Variants in KCNH1 observed in about 807,000 individuals in gnomAD.
KCNH1 encodes potassium voltage-gated channel subfamily H member 1, also known as voltage-gated delayed rectifier potassium channel KCNH1.
In KCNH1, 27 loss-of-function variants were observed where a neutral mutation model predicts 69.2. That is an observed-to-expected ratio of 0.39 (90% CI 0.29 to 0.54). The LOEUF is 0.54. Among genes scored for constraint, KCNH1 ranks in the 20% least tolerant of loss-of-function variants. KCNH1 has a pLI of 0.68. For synonymous variants in KCNH1, 456 were observed against 487.7 expected (o/e 0.93, Z 0.86); for missense variants, 798 against 1,261.6 (o/e 0.63, Z 5.57).
intron 10 of KCNH1, among the ~76,000 whole-genome samples, chr1:210,705,072 C>T (rs1681874516): frequency 6.6e-6 from 1 of 152,146 alleles, no homozygotes; most frequent in Non-Finnish European, 1.5e-5. Flanking sequence ...GGCCCCTGCG[C>T]AGGAGACAAG....
At chr1:210,946,478 A>G (rs1009859103) in intron 6 of KCNH1, among the ~76,000 whole-genome samples, 1 of 152,010 alleles carries the variant, frequency 6.6e-6, no homozygotes, top group Non-Finnish European at 1.5e-5. Flanking sequence ...TCACTGAGAT[A>G]CTCCTCGTTC....
At chr1:210,770,746 A>G (rs1683738161) in intron 10 of KCNH1, among the ~76,000 whole-genome samples, 2 of 152,348 alleles carry the variant, frequency 1.3e-5, no homozygotes, top group African/African-American at 4.8e-5. Flanking sequence ...GCCACTGGAG[A>G]AAGATACTTA....
rs943755612 is a variant in KCNH1 at position 210,680,040 on chromosome 1, G to C, written c.*3241C>G. On this transcript the variant is annotated 3_prime_UTR_variant, in exon 11 of 11. Coordinates refer to ENST00000271751, the MANE Select transcript of KCNH1 (RefSeq NM_172362.3). ...TGGTCGTCTCTGTTTCCGTCCTTTGGCTATCTTGTCATGTCCAGTGGAGGA... is the reference window on the plus strand; with the variant it reads ...TGGTCGTCTCTGTTTCCGTCCTTTGCCTATCTTGTCATGTCCAGTGGAGGA... The C allele has an allele frequency of 1.3e-5, 2 of 151,916 alleles. No homozygotes were observed. The highest frequency in any genetic ancestry group is 2.9e-5 in the Non-Finnish European group (2 of 68,010). The allele number at this position is 151,916 out of a possible 1,614,324, so 9.4% of individuals were successfully genotyped here.
rs1256854502 is a variant in KCNH1 at position 210,680,618 on chromosome 1, G to A, written c.*2663C>T. On this transcript the variant is annotated 3_prime_UTR_variant, in exon 11 of 11. Transcript: ENST00000271751. ...AGGCAGTCAGCACAAAGCAGCCTGC[G>A]GTCAAGTTCATGGTGCGAAAAGGAA... The A allele has an allele frequency of 2.0e-5, 3 of 152,274 alleles. No individual in the cohort carries two copies. The highest frequency in any genetic ancestry group is 1.9e-4 in the East Asian group (1 of 5,172). 9.4% of individuals were successfully genotyped at this position (152,274 alleles called of 1,614,324 possible).
At position 211,128,247 on chromosome 1, in the gene KCNH1, C is replaced by G. The variant is rs150420208; in HGVS notation, c.79+5620G>C. Among the ~76,000 whole-genome samples, 785 of 149,652 alleles carry G rather than the reference C, an allele frequency of 5.2e-3. 3 individuals are homozygous for G. Among genetic ancestry groups the G allele is most frequent in the African/African-American group, 0.012 (472 of 40,448 alleles). On this transcript the variant is annotated intron_variant, in intron 1 of 10. Coordinates refer to ENST00000271751, the MANE Select transcript of KCNH1 (RefSeq NM_172362.3). Reference sequence around the variant, plus strand: ...GAGGTTGCAGTGAGCCGAGATCGCGCCACTGCACTCCAGCGACAAAGTGAG... The same window carrying G: ...GAGGTTGCAGTGAGCCGAGATCGCGGCACTGCACTCCAGCGACAAAGTGAG...
chr1:210,948,500 A>C (rs114867020), intron 6 of KCNH1, among the ~76,000 whole-genome samples: 5 of 152,262 alleles, frequency 3.3e-5, no homozygotes, highest in Admixed American at 3.3e-4. Context: ...CAACTACTCA[A>C]TGCTGCCATT....
chr1:211,125,615 C>G (rs560027785), intron 1 of KCNH1, among the ~76,000 whole-genome samples: 1 of 152,148 alleles, frequency 6.6e-6, no homozygotes, highest in Non-Finnish European at 1.5e-5. Flanking sequence ...TTTGCCAATA[C>G]GGTATCAACT....
In KCNH1 at chr1:210,963,917, A is replaced by G. The variant is rs181412924; in HGVS notation, c.1033-43848T>C. On this transcript the variant is annotated intron_variant, in intron 6 of 10. Transcript: ENST00000271751. Reference sequence around the variant, plus strand: ...CCCCAATAGAGCAAGACAGGCCAACATTCAAATTCAGGAAATGTAGAGAAC... The same window carrying G: ...CCCCAATAGAGCAAGACAGGCCAACGTTCAAATTCAGGAAATGTAGAGAAC... 1.1e-3 allele frequency among the ~76,000 whole-genome samples: 173 copies of G among 152,322 alleles called. 1 individual carries two copies. Among genetic ancestry groups the G allele is most frequent in the Non-Finnish European group, 2.2e-3 (148 of 68,026 alleles).
At chr1:210,732,672 G>A (rs1682773119) in intron 10 of KCNH1, among the ~76,000 whole-genome samples, 1 of 152,202 alleles carries the variant, frequency 6.6e-6, no homozygotes, top group Non-Finnish European at 1.5e-5. Context: ...ACTTCTGGAG[G>A]CTGGGAAGTC....
rs2149000777 is a variant in KCNH1 at position 210,683,612 on chromosome 1, C to T, written c.2639G>A (p.Cys880Tyr). The change falls in exon 11 of 11, where the codon TGT (cysteine) becomes TAT (tyrosine). Residue 880 changes from cysteine (C) to tyrosine (Y), a missense_variant. Physicochemically the swap from Cys to Tyr is radical, Grantham distance 194. Around this residue, in one of 4 missense-constraint regions of KCNH1, gnomAD observed 331 missense variants for 363.2 expected, o/e 0.91. Coordinates refer to ENST00000271751, the MANE Select transcript of KCNH1 (RefSeq NM_172362.3). This position sits in a 1 kb window ranked among gnomAD's most constrained non-coding sequence, Gnocchi z 5.7. ...GTCGCTCTTGGTGATGCCACTGTCA[C>T]ACGAGTCTGTCTTCTTCAGTGTGGC... Reference protein sequence around the residue: ...GEATLKKTDSCDSGITKSDLR... With the variant: ...GEATLKKTDSYDSGITKSDLR... 1.3e-5 allele frequency: 21 copies of T among 1,614,222 alleles called. No homozygotes were observed. The highest frequency in any genetic ancestry group is 1.8e-5 in the Non-Finnish European group (21 of 1,180,046).
At chr1:210,775,118 A>T (rs571278770) in intron 10 of KCNH1, among the ~76,000 whole-genome samples, 73 of 152,290 alleles carry the variant, frequency 4.8e-4, no homozygotes, top group African/African-American at 1.7e-3. Flanking sequence ...CCCTCCAAGC[A>T]CATAAATAAA....
chr1:211,066,675 T>A lies in KCNH1; in HGVS notation c.558+16105A>T, dbSNP rs183546264. On this transcript the variant is annotated intron_variant, in intron 5 of 10. Coordinates refer to ENST00000271751, the MANE Select transcript of KCNH1 (RefSeq NM_172362.3). ...AGTACATATTATCCTCATTTCAAATTACTATTGCTATTTCAAGAGAAGAAA... is the reference window on the plus strand; with the variant it reads ...AGTACATATTATCCTCATTTCAAATAACTATTGCTATTTCAAGAGAAGAAA... Among the ~76,000 whole-genome samples the A allele has an allele frequency of 3.9e-5, 6 of 152,300 alleles. No individual in the cohort carries two copies. The East Asian group carries it at 5.8e-4, about 15-fold the overall frequency.
intron 5 of KCNH1, among the ~76,000 whole-genome samples, chr1:211,033,247 A>G: frequency 6.6e-6 from 1 of 152,242 alleles, no homozygotes; most frequent in Non-Finnish European, 1.5e-5. Context: ...GCGATCATTA[A>G]AAAGTCAGGA....
intron 10 of KCNH1, among the ~76,000 whole-genome samples, chr1:210,708,896 G>A (rs941319072): frequency 6.6e-6 from 1 of 152,198 alleles, no homozygotes; most frequent in Non-Finnish European, 1.5e-5. Flanking sequence ...CAAGGGTGGA[G>A]GAGGCATTTG....
chr1:210,821,264 A>C (rs981374516), intron 7 of KCNH1, among the ~76,000 whole-genome samples: 1 of 152,178 alleles, frequency 6.6e-6, no homozygotes, highest in Non-Finnish European at 1.5e-5. Flanking sequence ...TGGGGAAGGG[A>C]GATACATAAT....
intron 10 of KCNH1, among the ~76,000 whole-genome samples, chr1:210,702,578 T>C (rs981669910): frequency 1.3e-5 from 2 of 152,250 alleles, no homozygotes; most frequent in Non-Finnish European, 2.9e-5. Flanking sequence ...ACTTTATGTC[T>C]TTAATGTAAG....
intron 10 of KCNH1, among the ~76,000 whole-genome samples, chr1:210,715,805 C>A (rs1317062207): frequency 1.3e-5 from 2 of 152,102 alleles, no homozygotes; most frequent in African/African-American, 4.8e-5. Flanking sequence ...GTAGCTCAAC[C>A]AACAACCTCT....
intron 6 of KCNH1, among the ~76,000 whole-genome samples, chr1:211,016,905 T>C: frequency 6.7e-5 from 1 of 15,012 alleles, no homozygotes; most frequent in Admixed American, 8.1e-4. Context: ...CAAGACTCTG[T>C]CTCAAAAAAA....
intron 7 of KCNH1, chr1:210,860,322 C>T: frequency 7.3e-7 from 1 of 1,371,322 alleles, no homozygotes; most frequent in Non-Finnish European, 1.0e-6. Context: ...AAGAGATGTC[C>T]TCATAGAATT....
Sources: gnomAD v4.1 joint callset for allele counts (sites outside exome capture counted in the v4.1 genomes callset) on GRCh38, gnomAD v4.1.1 for gene constraint, gnomAD v4.1.1 regional missense constraint, Gnocchi (gnomAD v3.1) non-coding constraint, MANE v1.5 for transcripts, NCBI Gene and HGNC (gene_info 2026-07-23, HGNC 2026-07-21) for gene names.